KCNK9: variants seen among roughly 807,000 people sequenced by gnomAD.
KCNK9 encodes the protein potassium channel subfamily K member 9.
In KCNK9, 1 loss-of-function variant was observed where a neutral mutation model predicts 10.8. That is an observed-to-expected ratio of 0.09 (90% CI 0.03 to 0.44). KCNK9 has a LOEUF of 0.44. KCNK9 is among the 20% of genes least tolerant of loss of function. KCNK9 has a pLI of 0.97. For synonymous variants in KCNK9, 231 were observed against 222.7 expected (o/e 1.04, Z -0.33); for missense variants, 303 against 515.0 (o/e 0.59, Z 3.98).
chr8:139,628,681 A>G (rs551310913), intron 1 of KCNK9, among the ~76,000 whole-genome samples: 1 of 152,358 alleles, frequency 6.6e-6, no homozygotes, highest in East Asian at 1.9e-4. Context: ...TTTATTATTA[A>G]TTTCCAAAAA....
intron 1 of KCNK9, among the ~76,000 whole-genome samples, chr8:139,700,540 GCGCGCACACACACACACACA>G (rs1817191178): frequency 8.3e-6 from 1 of 121,188 alleles, no homozygotes; most frequent in African/African-American, 3.8e-5. Flanking sequence ...ACACACACAC[GCGCGCACACACACACACACA>G]CACATTTTTT....
chr8:139,626,031 G>A (rs553842784), intron 1 of KCNK9, among the ~76,000 whole-genome samples: 19 of 152,246 alleles, frequency 1.2e-4, no homozygotes, highest in South Asian at 4.1e-4. Context: ...CTATATACAC[G>A]TAGGTTAGAC....
At chr8:139,654,677 A>G (rs1305652125) in intron 1 of KCNK9, among the ~76,000 whole-genome samples, 1 of 152,180 alleles carries the variant, frequency 6.6e-6, no homozygotes, top group Non-Finnish European at 1.5e-5. Context: ...CCTTCCAGGC[A>G]CCTGAGGATA....
chr8:139,634,000 G>A (rs1815256883), intron 1 of KCNK9, among the ~76,000 whole-genome samples: 2 of 152,236 alleles, frequency 1.3e-5, no homozygotes, highest in Non-Finnish European at 2.9e-5. Context: ...TCCGCCCCAG[G>A]GCATTTGTGC....
At chr8:139,607,912 G>T (rs1193544448), downstream of KCNK9, among the ~76,000 whole-genome samples, 1 of 152,186 alleles carries the variant, frequency 6.6e-6, no homozygotes, top group Non-Finnish European at 1.5e-5. Context: ...AAGGATAAGT[G>T]ACTTGCCAAG....
chr8:139,666,843 G>T (rs1220129503), intron 1 of KCNK9, among the ~76,000 whole-genome samples: 3 of 152,206 alleles, frequency 2.0e-5, no homozygotes, highest in Non-Finnish European at 2.9e-5. Context: ...CAGCCTTAAG[G>T]CACCTGCCCC....
chr8:139,632,678 C>G (rs1815209826), intron 1 of KCNK9, among the ~76,000 whole-genome samples: 1 of 152,150 alleles, frequency 6.6e-6, no homozygotes, highest in South Asian at 2.1e-4. Context: ...CCCATTCCCC[C>G]CGCTCCCTCC....
At chr8:139,610,696 AT>A (rs1814395333), downstream of KCNK9, among the ~76,000 whole-genome samples, 1 of 152,230 alleles carries the variant, frequency 6.6e-6, no homozygotes, top group Non-Finnish European at 1.5e-5. Context: ...ATCTAGATGG[AT>A]AGTGCCTCCC....
rs764533532 is a variant in KCNK9 at position 139,702,994 on chromosome 8, G to A, written c.-2C>T. 25 of 1,566,482 alleles carry A rather than the reference G, an allele frequency of 1.6e-5. No homozygotes were observed. Among genetic ancestry groups the A allele is most frequent in the Non-Finnish European group, 2.0e-5 (23 of 1,158,292 alleles). On this transcript the variant is annotated 5_prime_UTR_variant, in exon 1 of 2. Coordinates refer to ENST00000520439, the MANE Select transcript of KCNK9 (RefSeq NM_001282534.2). The surrounding 1 kb of genome is among the most constrained non-coding windows in gnomAD (Gnocchi z 7.5). The stretch of plus-strand genomic sequence containing the variant: ...AGTCCGCACGTTCTGCCTCTTCATG[G>A]CCGCCAGCAAGGAGCCGGCGCGGGG...
At chr8:139,658,962 G>A (rs1816086275) in intron 1 of KCNK9, among the ~76,000 whole-genome samples, 1 of 152,248 alleles carries the variant, frequency 6.6e-6, no homozygotes. Flanking sequence ...AGGCAGTTGT[G>A]GAAGGGGCAG....
Position 139,693,239 on chromosome 8 carries a change from G to C in KCNK9, c.283+9471C>G, listed in dbSNP as rs1404354455. ...CACAAGTAGGCATCTCTTCCTGCCA[G>C]ATGCCCTGCAGACTCACAGAGGCCT... is the stretch of plus-strand genomic sequence containing the variant. On this transcript the variant is annotated intron_variant, in intron 1 of 1. Coordinates refer to ENST00000520439, the MANE Select transcript of KCNK9 (RefSeq NM_001282534.2). This position sits in a 1 kb window ranked among gnomAD's most constrained non-coding sequence, Gnocchi z 4.1. 1.3e-5 allele frequency among the ~76,000 whole-genome samples: 2 copies of C among 152,150 alleles called. No individual in the cohort carries two copies. The highest frequency in any genetic ancestry group is 2.9e-5 in the Non-Finnish European group (2 of 68,040).
intron 1 of KCNK9, among the ~76,000 whole-genome samples, chr8:139,699,958 A>C (rs199212): frequency 0.13 from 20,162 of 152,180 alleles, 2,018 homozygotes; most frequent in African/African-American, 0.27. Flanking sequence ...TCAAAACGCC[A>C]ATGAAGATTA....
At chr8:139,624,479 C>T (rs2130119269) in intron 1 of KCNK9, among the ~76,000 whole-genome samples, 1 of 152,294 alleles carries the variant, frequency 6.6e-6, no homozygotes, top group East Asian at 1.9e-4. Context: ...CTGGCCCCTG[C>T]ATCACTCAGT....
chr8:139,698,527 T>C (rs552366949), intron 1 of KCNK9, among the ~76,000 whole-genome samples: 3 of 152,328 alleles, frequency 2.0e-5, no homozygotes, highest in Admixed American at 2.0e-4. Flanking sequence ...ACCCCCTGCA[T>C]GTGCTAAGCA....
intron 1 of KCNK9, among the ~76,000 whole-genome samples, chr8:139,650,453 G>C (rs1020763245): frequency 6.6e-6 from 1 of 150,788 alleles, no homozygotes; most frequent in Non-Finnish European, 1.5e-5. Context: ...CACTCAGGAT[G>C]GGGGCAGGAG....
chr8:139,698,769 G>A (rs1817126228), intron 1 of KCNK9, among the ~76,000 whole-genome samples: 1 of 152,194 alleles, frequency 6.6e-6, no homozygotes, highest in Admixed American at 6.5e-5. Flanking sequence ...CACCAAGAGT[G>A]CCAGGAAAAA....
At chr8:139,611,550 G>A (rs779981249), downstream of KCNK9, 2 of 152,332 alleles carry the variant, frequency 1.3e-5, no homozygotes, top group Non-Finnish European at 2.9e-5. Context: ...TCCACCAGAA[G>A]TGTTGCCACA....
chr8:139,650,536 C>T (rs1815831449), intron 1 of KCNK9, among the ~76,000 whole-genome samples: 1 of 152,150 alleles, frequency 6.6e-6, no homozygotes, highest in Non-Finnish European at 1.5e-5. Context: ...CCTCATCCCC[C>T]TGTCCCTCCC....
intron 1 of KCNK9, among the ~76,000 whole-genome samples, chr8:139,677,449 G>A (rs575473954): frequency 1.4e-4 from 21 of 152,176 alleles, no homozygotes; most frequent in Admixed American, 7.8e-4. Context: ...CACCCAGCTC[G>A]CCTGGGCTGC....
Sources: allele counts gnomAD v4.1 joint callset (sites outside exome capture counted in the v4.1 genomes callset), GRCh38; gene constraint gnomAD v4.1.1; non-coding constraint Gnocchi (gnomAD v3.1); transcripts MANE v1.5; gene names NCBI Gene and HGNC (gene_info 2026-07-23, HGNC 2026-07-21).